The following ENTREP2 variants were observed in gnomAD, a reference collection of about 807,000 sequenced individuals.
ENTREP2 encodes protein ENTREP2.
chr15:29,441,407 G>A, the ENTREP2 span, among the ~76,000 whole-genome samples: 298 of 152,216 alleles, frequency 2.0e-3, 1 homozygote, highest in Non-Finnish European at 3.0e-3. Context: ...GTAGTCATAC[G>A]AAGGTGACTA....
chr15:29,222,773 C>T, the ENTREP2 span, among the ~76,000 whole-genome samples: 12 of 152,198 alleles, frequency 7.9e-5, no homozygotes, highest in Non-Finnish European at 1.3e-4. Context: ...ACGCTCACCC[C>T]ACTAGGAATT....
chr15:29,438,243 C>A, the ENTREP2 span, among the ~76,000 whole-genome samples: 1 of 152,224 alleles, frequency 6.6e-6, no homozygotes, highest in African/African-American at 2.4e-5. Flanking sequence ...CTGTCCCCAA[C>A]ACATAGCAGG....
At chr15:29,223,873 C>CA in the ENTREP2 span, among the ~76,000 whole-genome samples, 1 of 152,196 alleles carries the variant, frequency 6.6e-6, no homozygotes, top group Non-Finnish European at 1.5e-5. Flanking sequence ...GCTCAGCTGA[C>CA]AGAGGACTGA....
chr15:29,136,449 C>T, the ENTREP2 span: 1 of 1,547,350 alleles, frequency 6.5e-7, no homozygotes, highest in South Asian at 1.2e-5. Context: ...CTATTGATGG[C>T]CACGTCATAC....
At chr15:29,229,241 T>C in the ENTREP2 span, among the ~76,000 whole-genome samples, 1 of 152,192 alleles carries the variant, frequency 6.6e-6, no homozygotes, top group Non-Finnish European at 1.5e-5. Flanking sequence ...TTAAATGTAC[T>C]ACTTTTTTCA....
chr15:29,188,437 G>T, the ENTREP2 span, among the ~76,000 whole-genome samples: 1 of 151,962 alleles, frequency 6.6e-6, no homozygotes, highest in Admixed American at 6.6e-5. Context: ...ACAGGTCCTG[G>T]TGTGTGATGT....
At chr15:29,284,134 G>A in the ENTREP2 span, among the ~76,000 whole-genome samples, 4 of 152,100 alleles carry the variant, frequency 2.6e-5, no homozygotes, top group African/African-American at 4.8e-5. Flanking sequence ...AAAACCAATC[G>A]AGTCTTAAGA....
At chr15:29,631,123 T>C in the ENTREP2 span, among the ~76,000 whole-genome samples, 2 of 152,264 alleles carry the variant, frequency 1.3e-5, no homozygotes, top group Admixed American at 6.5e-5. Context: ...GTTCCTTTTT[T>C]ACATCTTCTA....
chr15:29,252,503 T>C, the ENTREP2 span: 6 of 1,421,994 alleles, frequency 4.2e-6, no homozygotes, highest in African/African-American at 8.4e-5. Flanking sequence ...AACATAAAAT[T>C]GATTATTCAC....
chr15:29,582,158 G>A, the ENTREP2 span, among the ~76,000 whole-genome samples: 1 of 152,088 alleles, frequency 6.6e-6, no homozygotes, highest in Admixed American at 6.5e-5. Context: ...GGCCAGGCTG[G>A]CTAATTGATT....
chr15:29,458,380 A>G, the ENTREP2 span, among the ~76,000 whole-genome samples: 93,884 of 151,920 alleles, frequency 0.62, 29,156 homozygotes, highest in South Asian at 0.66. Context: ...CCTCACAGAC[A>G]CTATCAGGAA....
chr15:29,510,736 A>T, the ENTREP2 span, among the ~76,000 whole-genome samples: 1 of 151,194 alleles, frequency 6.6e-6, no homozygotes, highest in Non-Finnish European at 1.5e-5. Flanking sequence ...GAACCCGGGA[A>T]GTGGAGCTTG....
At chr15:29,363,779 CA>C in the ENTREP2 span, among the ~76,000 whole-genome samples, 1 of 152,144 alleles carries the variant, frequency 6.6e-6, no homozygotes, top group South Asian at 2.1e-4. Flanking sequence ...GGGGCTATGA[CA>C]AGAATCGAGC....
chr15:29,599,063 C>A, the ENTREP2 span, among the ~76,000 whole-genome samples: 8 of 152,186 alleles, frequency 5.3e-5, no homozygotes, highest in African/African-American at 1.9e-4. Context: ...AGGGAATGTT[C>A]ATCCTTTTAG....
the ENTREP2 span, among the ~76,000 whole-genome samples, chr15:29,135,101 T>C: frequency 6.6e-6 from 1 of 151,878 alleles, no homozygotes; most frequent in South Asian, 2.1e-4. The surrounding 1 kb of genome is among the most constrained non-coding windows in gnomAD (Gnocchi z 7.4). Context: ...GGGCTCAGAA[T>C]TGGCTTCAGC....
chr15:29,350,441 T>G, the ENTREP2 span, among the ~76,000 whole-genome samples: 1 of 152,220 alleles, frequency 6.6e-6, no homozygotes, highest in African/African-American at 2.4e-5. Context: ...TGATTGCCTC[T>G]ATTGCTTCTT....
the ENTREP2 span, among the ~76,000 whole-genome samples, chr15:29,216,108 G>T: frequency 6.6e-6 from 1 of 152,144 alleles, no homozygotes. Context: ...GTGTTTCCAA[G>T]ATTTGTTTCA....
chr15:29,184,632 TGGA>T, the ENTREP2 span, among the ~76,000 whole-genome samples: 7 of 152,112 alleles, frequency 4.6e-5, no homozygotes, highest in Admixed American at 3.9e-4. Context: ...GGGGTGGTGG[TGGA>T]GAAGACAGCT....
chr15:29,152,681 A>G, the ENTREP2 span, among the ~76,000 whole-genome samples: 5 of 152,180 alleles, frequency 3.3e-5, no homozygotes, highest in African/African-American at 7.2e-5. Context: ...CAACTGAAGA[A>G]TATCTGGTTT....
Sources: gnomAD v4.1 joint callset for allele counts (sites outside exome capture counted in the v4.1 genomes callset) on GRCh38, gnomAD v4.1.1 for gene constraint, Gnocchi (gnomAD v3.1) non-coding constraint, MANE v1.5 for transcripts, NCBI Gene and HGNC (gene_info 2026-07-23, HGNC 2026-07-21) for gene names.